The following LHCGR variants were observed in gnomAD, a reference collection of about 807,000 sequenced individuals.
LHCGR encodes lutropin-choriogonadotropic hormone receptor.
LHCGR carries 55 observed loss-of-function variants against 60.7 expected under a neutral mutation model. The ratio of observed to expected loss-of-function variants is 0.91; its 90% confidence interval spans 0.73 to 1.13. The LOEUF (loss-of-function observed/expected upper bound fraction) is 1.13, where lower values mean the gene tolerates loss of function less well. Among genes scored for constraint, LHCGR ranks in the 50% most tolerant of loss-of-function variants. The probability of loss-of-function intolerance (pLI) is 0.00; values close to 1 mark genes in which losing one functional copy is unlikely to be tolerated. For synonymous variants in LHCGR, 337 were observed against 316.5 expected, an observed-to-expected ratio of 1.06 and a Z score of -0.69; for missense variants, 862 against 836.0, an observed-to-expected ratio of 1.03 and a Z score of -0.38.
intron 1 of LHCGR, among the ~76,000 whole-genome samples, chr2:48,742,728 C>A (rs1366300849): frequency 6.6e-6 from 1 of 152,094 alleles, no homozygotes; most frequent in Non-Finnish European, 1.5e-5. Context: ...TAAATGCCCA[C>A]AAGAGACAGC....
At chr2:48,690,191 T>TA (rs1680156971) in intron 10 of LHCGR, among the ~76,000 whole-genome samples, 1 of 152,206 alleles carries the variant, frequency 6.6e-6, no homozygotes, top group African/African-American at 2.4e-5. Flanking sequence ...GGCTATGAGA[T>TA]AAAATCCAAA....
At chr2:48,721,759 T>G in intron 6 of LHCGR, 1 of 471,188 alleles carries the variant, frequency 2.1e-6, no homozygotes, top group Non-Finnish European at 4.4e-6. Context: ...CTTTATTGCC[T>G]CATCACAATT....
intron 1 of LHCGR, 67 bp downstream of exon 1, chr2:48,755,444 G>C: frequency 1.0e-6 from 1 of 995,484 alleles, no homozygotes; most frequent in Non-Finnish European, 1.5e-6. Flanking sequence ...AGTAGGGAGG[G>C]AAGGTGGCAT....
intron 1 of LHCGR, among the ~76,000 whole-genome samples, chr2:48,747,325 C>G (rs1669753259): frequency 1.3e-5 from 2 of 152,164 alleles, no homozygotes; most frequent in African/African-American, 4.8e-5. Flanking sequence ...CTCCTGACCT[C>G]AAGTGATCCA....
intron 1 of LHCGR, among the ~76,000 whole-genome samples, chr2:48,753,463 C>A (rs1030090891): frequency 1.3e-5 from 2 of 152,148 alleles, no homozygotes; most frequent in African/African-American, 4.8e-5. Context: ...GTGAGGGTCA[C>A]CACGCTTGGC....
intron 6 of LHCGR, among the ~76,000 whole-genome samples, chr2:48,717,726 G>T (rs778079138): frequency 2.6e-5 from 4 of 151,852 alleles, no homozygotes; most frequent in Non-Finnish European, 4.4e-5. Context: ...AGCAAGTCAG[G>T]TCAGTGGCCT....
chr2:48,725,445 A>C (rs1668675373), intron 4 of LHCGR, among the ~76,000 whole-genome samples: 1 of 152,172 alleles, frequency 6.6e-6, no homozygotes, highest in African/African-American at 2.4e-5. Flanking sequence ...CGTTCTTCCC[A>C]GGTGTTTAGG....
At chr2:48,737,469 G>A (rs538962840) in intron 1 of LHCGR, among the ~76,000 whole-genome samples, 1 of 152,332 alleles carries the variant, frequency 6.6e-6, no homozygotes, top group Non-Finnish European at 1.5e-5. Flanking sequence ...GTCTTAAGAA[G>A]TTCTGTGTTC....
At chr2:48,728,786 A>G (rs892315258) in intron 3 of LHCGR, among the ~76,000 whole-genome samples, 3 of 152,164 alleles carry the variant, frequency 2.0e-5, no homozygotes, top group Non-Finnish European at 2.9e-5. Flanking sequence ...GAATGTGCCA[A>G]AACAGCCCCC....
chr2:48,733,946 C>T (rs1384017531), intron 1 of LHCGR, among the ~76,000 whole-genome samples: 1 of 152,136 alleles, frequency 6.6e-6, no homozygotes, highest in Non-Finnish European at 1.5e-5. Context: ...ATGATTCTTT[C>T]CATGATGCCA....
At chr2:48,702,354 G>C (rs1001172465) in intron 8 of LHCGR, among the ~76,000 whole-genome samples, 2 of 151,268 alleles carry the variant, frequency 1.3e-5, no homozygotes, top group South Asian at 2.1e-4. Flanking sequence ...ACGTTGGTTT[G>C]CTGCACCCAT....
At chr2:48,713,937 G>C in intron 7 of LHCGR, 49 bp downstream of exon 7, 2 of 1,332,854 alleles carry the variant, frequency 1.5e-6, no homozygotes, top group Non-Finnish European at 2.2e-6. Flanking sequence ...TGTAGCCAGA[G>C]TAATATTTCA....
At chr2:48,739,423 C>T (rs1344958388) in intron 1 of LHCGR, among the ~76,000 whole-genome samples, 1 of 152,222 alleles carries the variant, frequency 6.6e-6, no homozygotes, top group Non-Finnish European at 1.5e-5. Flanking sequence ...AAATGTCCAA[C>T]AATGATAGAC....
chr2:48,750,893 G>A (rs1260211262), intron 1 of LHCGR, among the ~76,000 whole-genome samples: 1 of 152,208 alleles, frequency 6.6e-6, no homozygotes, highest in African/African-American at 2.4e-5. Context: ...CTCCTGGCCA[G>A]GGATGCTGGA....
intron 8 of LHCGR, among the ~76,000 whole-genome samples, chr2:48,702,885 C>G (rs1424413138): frequency 1.3e-5 from 2 of 152,194 alleles, no homozygotes; most frequent in East Asian, 3.8e-4. Flanking sequence ...TACAGTCCCA[C>G]CAACAGTGTA....
chr2:48,733,075 A>T (rs879089252), intron 1 of LHCGR: 1 of 441,662 alleles, frequency 2.3e-6, no homozygotes, highest in South Asian at 1.8e-5. Context: ...TGCACTGCCA[A>T]ACCAATAAAT....
chr2:48,743,888 A>G (rs1472646211), intron 1 of LHCGR, among the ~76,000 whole-genome samples: 1 of 151,736 alleles, frequency 6.6e-6, no homozygotes, highest in Non-Finnish European at 1.5e-5. Flanking sequence ...CAATTAGGAA[A>G]AGAGGAAGTC....
chr2:48,737,705 A>G (rs1669261607), intron 1 of LHCGR, among the ~76,000 whole-genome samples: 2 of 152,246 alleles, frequency 1.3e-5, no homozygotes, highest in African/African-American at 4.8e-5. Flanking sequence ...GTCAGTATAG[A>G]TGAACATCCA....
chr2:48,754,450 TC>T (rs1413831182), intron 1 of LHCGR, among the ~76,000 whole-genome samples: 4 of 152,168 alleles, frequency 2.6e-5, no homozygotes, highest in African/African-American at 4.8e-5. Flanking sequence ...TGTCTTTTTT[TC>T]CCTTTCTTTT....
Sources: allele counts gnomAD v4.1 joint callset (sites outside exome capture counted in the v4.1 genomes callset), GRCh38; gene constraint gnomAD v4.1.1; transcripts MANE v1.5; gene names NCBI Gene and HGNC (gene_info 2026-07-23, HGNC 2026-07-21).